SENP7: variants seen among roughly 807,000 people sequenced by gnomAD.
SENP7 encodes SUMO specific peptidase 7, also known as sentrin-specific protease 7.
In SENP7, 64 loss-of-function variants were observed where a neutral mutation model predicts 141.2. That is an observed-to-expected ratio of 0.45 (90% CI 0.37 to 0.56). SENP7 has a LOEUF of 0.56. Among genes scored for constraint, SENP7 ranks in the 20% least tolerant of loss-of-function variants. SENP7 has a pLI of 0.00. For missense variants in SENP7, 1,025 were observed against 1,212.2 expected (o/e 0.85, Z 2.29); for synonymous variants, 382 against 426.4 (o/e 0.90, Z 1.28).
In SENP7 at chr3:101,332,803, T is replaced by C. The variant is rs202141841; in HGVS notation, c.2540A>G (p.Asn847Ser). The C allele has an allele frequency of 1.2e-5, 18 of 1,562,708 alleles. No homozygotes were observed. The African/African-American group carries it at 2.2e-4, about 19-fold the overall frequency. Residue 847 changes from asparagine to serine, a missense_variant, in exon 18 of 24, where the codon AAT becomes AGT. Transcript: ENST00000394095. ...TACAGGTACAAAGATGTAATCTTTA[T>C]TAAAAATGTTTATGTGACGAGTCCA... ...RTWTRHINIF[N>S]KDYIFVPVNE...
chr3:101,390,693 TCAAGACAGAAATTGAA>T (rs2060794341), intron 6 of SENP7, among the ~76,000 whole-genome samples: 1 of 152,160 alleles, frequency 6.6e-6, no homozygotes, highest in African/African-American at 2.4e-5. Flanking sequence ...GGACAGATCA[TCAAGACAGAAATTGAA>T]CAACAAAGTA....
At chr3:101,473,315 C>A (rs1229255797) in intron 3 of SENP7, among the ~76,000 whole-genome samples, 4 of 152,226 alleles carry the variant, frequency 2.6e-5, no homozygotes, top group Admixed American at 2.6e-4. Flanking sequence ...GCCACATTGT[C>A]TTCCACAATG....
intron 3 of SENP7, among the ~76,000 whole-genome samples, chr3:101,480,590 A>G (rs959619496): frequency 6.6e-6 from 1 of 152,176 alleles, no homozygotes; most frequent in African/African-American, 2.4e-5. Flanking sequence ...ACCTCAGGAC[A>G]TCGGTCTAGG....
intron 12 of SENP7, 32 bp downstream of exon 12, chr3:101,351,586 A>G (rs765460505): frequency 7.5e-7 from 1 of 1,326,958 alleles, no homozygotes; most frequent in Non-Finnish European, 1.0e-6. Flanking sequence ...ACTATAGTAA[A>G]AAGACAAGTT....
At chr3:101,377,156 G>A (rs966822591) in intron 6 of SENP7, among the ~76,000 whole-genome samples, 2 of 152,050 alleles carry the variant, frequency 1.3e-5, no homozygotes, top group African/African-American at 4.8e-5. Flanking sequence ...ACCCAAAACT[G>A]CATCAAACGA....
At chr3:101,409,096 G>A (rs1384176569) in intron 5 of SENP7, among the ~76,000 whole-genome samples, 1 of 152,126 alleles carries the variant, frequency 6.6e-6, no homozygotes, top group Non-Finnish European at 1.5e-5. Context: ...CTGGATACAA[G>A]ATTAATGTAC....
At chr3:101,489,680 GACTT>G (rs1208913114) in intron 3 of SENP7, among the ~76,000 whole-genome samples, 2 of 152,112 alleles carry the variant, frequency 1.3e-5, no homozygotes, top group South Asian at 2.1e-4. Context: ...CCTACAAAAA[GACTT>G]AGTTAGGCAA....
At chr3:101,496,463 C>T (rs1015061028) in intron 2 of SENP7, among the ~76,000 whole-genome samples, 2 of 152,040 alleles carry the variant, frequency 1.3e-5, no homozygotes, top group Non-Finnish European at 2.9e-5. Flanking sequence ...ACTTTGTTGC[C>T]CAGGCTAGTC....
At chr3:101,513,211 AGG>A (rs1559934607) in exon 1 of SENP7, 66 of 224,554 alleles carry the variant, frequency 2.9e-4, 1 homozygote, top group South Asian at 6.9e-4. Context: ...GGGAGGGGAA[AGG>A]AAAAAAAAAA....
chr3:101,478,617 T>A (rs745485033), intron 3 of SENP7, among the ~76,000 whole-genome samples: 41 of 152,248 alleles, frequency 2.7e-4, no homozygotes, highest in Middle Eastern at 3.4e-3. Flanking sequence ...CTACCAAACT[T>A]ACAAAGAAGA....
chr3:101,494,422 C>A (rs1280498091), intron 2 of SENP7, among the ~76,000 whole-genome samples: 1 of 152,066 alleles, frequency 6.6e-6, no homozygotes, highest in Non-Finnish European at 1.5e-5. Flanking sequence ...ATGAAATCAA[C>A]CTTCTTCAAA....
chr3:101,338,285 G>A (rs182098638), intron 16 of SENP7, among the ~76,000 whole-genome samples: 2 of 152,164 alleles, frequency 1.3e-5, no homozygotes, highest in African/African-American at 4.8e-5. Context: ...ATCCAGAGGA[G>A]TGAGGGTAGA....
intron 12 of SENP7, among the ~76,000 whole-genome samples, chr3:101,351,307 T>C (rs1335927953): frequency 6.6e-6 from 1 of 151,964 alleles, no homozygotes; most frequent in East Asian, 1.9e-4. Context: ...TATTAAACAT[T>C]TTCCTTATGC....
intron 6 of SENP7, among the ~76,000 whole-genome samples, chr3:101,379,614 C>G (rs559989019): frequency 6.6e-6 from 1 of 152,176 alleles, no homozygotes. Flanking sequence ...AAATGAAAAT[C>G]AAAATCACAA....
At chr3:101,439,754 C>T (rs1181102627) in intron 4 of SENP7, among the ~76,000 whole-genome samples, 3 of 24,924 alleles carry the variant, frequency 1.2e-4, no homozygotes, top group Non-Finnish European at 2.1e-4. Flanking sequence ...TGGCCAGCCG[C>T]CCCGTCCGGG....
intron 6 of SENP7, among the ~76,000 whole-genome samples, chr3:101,384,321 T>G (rs1576174096): frequency 6.6e-6 from 1 of 152,114 alleles, no homozygotes; most frequent in African/African-American, 2.4e-5. Flanking sequence ...CTAAAAAGGG[T>G]GCTACACACT....
chr3:101,358,672 T>C (rs2059809603), intron 11 of SENP7: 1 of 165,116 alleles, frequency 6.1e-6, no homozygotes, highest in Admixed American at 5.9e-5. Context: ...TTTGCTCTTA[T>C]CACCCAGGTT....
At chr3:101,374,498 G>A (rs545346170) in intron 6 of SENP7, among the ~76,000 whole-genome samples, 1 of 152,252 alleles carries the variant, frequency 6.6e-6, no homozygotes, top group Admixed American at 6.5e-5. Context: ...GTTGACGCCT[G>A]TAATCCCAGC....
chr3:101,497,519 A>T (rs547517294), intron 2 of SENP7, among the ~76,000 whole-genome samples: 2 of 152,232 alleles, frequency 1.3e-5, no homozygotes, highest in East Asian at 3.9e-4. Context: ...AAGTGTTCAA[A>T]AAAAAAAAGA....
Sources: gnomAD v4.1 joint callset for allele counts (sites outside exome capture counted in the v4.1 genomes callset) on GRCh38, gnomAD v4.1.1 for gene constraint, MANE v1.5 for transcripts, NCBI Gene and HGNC (gene_info 2026-07-23, HGNC 2026-07-21) for gene names.